GABBR1: variants seen among roughly 807,000 people sequenced by gnomAD.
The protein encoded by GABBR1 is GABA-B receptor, R1 subunit.
In GABBR1, 35 loss-of-function variants were observed where a neutral mutation model predicts 117.7. The ratio of observed to expected loss-of-function variants is 0.30; its 90% CI spans 0.23 to 0.39. GABBR1 has a LOEUF of 0.39. Among genes scored for constraint, GABBR1 ranks in the 10% least tolerant of loss-of-function variants. The probability of loss-of-function intolerance (pLI) is 1.00; values close to 1 mark genes in which losing one functional copy is unlikely to be tolerated. For synonymous variants in GABBR1, 442 were observed against 486.6 expected (o/e 0.91, Z 1.21); for missense variants, 709 against 1,241.8 (o/e 0.57, Z 6.45).
rs1372640423 is a variant in GABBR1, at chr6:29,620,882, C to T, written c.1323+219G>A. Among the ~76,000 whole-genome samples, 2 of 150,354 alleles carry T rather than the reference C, an allele frequency of 1.3e-5. No individual in the cohort carries two copies. Among genetic ancestry groups the T allele is most frequent in the Admixed American group, 1.3e-4 (2 of 15,040 alleles). Reference sequence around the variant, plus strand: ...CATCAGGAACCTACTGAACATACAACTCCATCGTTTTTTTTTTTTTCTCTC... The same window carrying T: ...CATCAGGAACCTACTGAACATACAATTCCATCGTTTTTTTTTTTTTCTCTC... On this transcript the variant is annotated intron_variant, in intron 11 of 22. Transcript: ENST00000377034. This position sits in a 1 kb window ranked among gnomAD's most constrained non-coding sequence, Gnocchi z 4.5.
At chr6:29,629,249 T>G (rs1324915403) in intron 4 of GABBR1, 142 bp from the exon 5 acceptor site, 3 of 911,402 alleles carry the variant, frequency 3.3e-6, no homozygotes, top group Non-Finnish European at 5.3e-6. Flanking sequence ...GGAGGGTGCC[T>G]GGGGATAAGA....
In GABBR1 at chr6:29,604,742, A is replaced by T; in HGVS notation, c.2569-105T>A. ...GGAATGCTGATAAGAGTTGGGCCCA[A>T]AACAAGGGGAGGAGTGAGAGGAGGG... On this transcript the variant is annotated intron_variant, in intron 21 of 22. Coordinates refer to ENST00000377034, the MANE Select transcript of GABBR1 (RefSeq NM_001470.4). The surrounding 1 kb of genome is among the most constrained non-coding windows in gnomAD (Gnocchi z 5.3). The T allele has an allele frequency of 6.3e-7, 1 of 1,593,198 alleles. No homozygotes were observed. The highest frequency in any genetic ancestry group is 8.6e-7 in the Non-Finnish European group (1 of 1,166,048).
rs1182611100 is a variant in GABBR1, at chr6:29,628,181, A to AGGGGC, written c.497-540_497-536dup. ...GCGCCGAGGTGGGAGCGACAGTCGG[A>AGGGGC]GGGGCGGGGAGGGGAGGGGGGATGC... On this transcript the variant is annotated intron_variant, in intron 5 of 22. Coordinates refer to ENST00000377034, the MANE Select transcript of GABBR1 (RefSeq NM_001470.4). 77 of 162,570 alleles carry AGGGGC rather than the reference A, an allele frequency of 4.7e-4. No homozygotes were observed. In the African/African-American group the frequency reaches 0.015, roughly 31 times the overall value. 10.1% of individuals were successfully genotyped at this position (162,570 alleles called of 1,614,324 possible). A position where few individuals can be genotyped will look rare whatever the true frequency, so the allele number is the denominator to read the frequency against.
chr6:29,616,963 C>T (rs1419440324), intron 11 of GABBR1, among the ~76,000 whole-genome samples: 29 of 127,698 alleles, frequency 2.3e-4, no homozygotes, highest in African/African-American at 6.7e-4. Flanking sequence ...CTGGCTAACA[C>T]GGTGAAACCC....
chr6:29,603,203 G>C lies in GABBR1; in HGVS notation c.*340C>G, dbSNP rs1275294323. 1.9e-6 allele frequency: 1 copy of C among 519,308 alleles called. No individual in the cohort carries two copies. The highest frequency in any genetic ancestry group is 1.9e-5 in the African/African-American group (1 of 52,408). 32.2% of individuals were successfully genotyped at this position (519,308 alleles called of 1,614,324 possible). On this transcript the variant is annotated 3_prime_UTR_variant, in exon 23 of 23. Coordinates refer to ENST00000377034, the MANE Select transcript of GABBR1 (RefSeq NM_001470.4). ...GCAGAGGAGCTGCAGGGGTTGCCGTGGTAACTAGAAGAGGGTGTTGCATGG... is the reference window on the plus strand; with the variant it reads ...GCAGAGGAGCTGCAGGGGTTGCCGTCGTAACTAGAAGAGGGTGTTGCATGG...
rs768031345 is a variant in GABBR1, at chr6:29,630,465, G to A, written c.468C>T (p.His156=). The change falls in exon 4 of 23, where the codon CAC becomes CAT. Residue 156 remains histidine (H), a synonymous_variant. Coordinates refer to ENST00000377034, the MANE Select transcript of GABBR1 (RefSeq NM_001470.4). This position sits in a 1 kb window ranked among gnomAD's most constrained non-coding sequence, Gnocchi z 4.9. The part of the protein sequence containing the change: ...SQGQWSTPKP[H]CQVNRTPHSE... Reference sequence around the variant, plus strand: ...GGCAGCTGTTCCCCTCACCCTGGCAGTGGGGCTTGGGGGTGCTCCACTGGC... The same window carrying A: ...GGCAGCTGTTCCCCTCACCCTGGCAATGGGGCTTGGGGGTGCTCCACTGGC... 3 of 1,611,072 alleles carry A rather than the reference G, an allele frequency of 1.9e-6. No individual in the cohort carries two copies. The highest frequency in any genetic ancestry group is 2.5e-6 in the Non-Finnish European group (3 of 1,178,466).
chr6:29,606,596 T>C lies in GABBR1; in HGVS notation c.2218-112A>G. On this transcript the variant is annotated intron_variant, in intron 18 of 22. Transcript: ENST00000377034. The surrounding 1 kb of genome is among the most constrained non-coding windows in gnomAD (Gnocchi z 4.5). ...TTTCCTATGAGACCCTCAATGCTGATGCCAAATCTCATTCTAGGCCTAAGA... is the reference window on the plus strand; with the variant it reads ...TTTCCTATGAGACCCTCAATGCTGACGCCAAATCTCATTCTAGGCCTAAGA... 1 of 787,646 alleles carries C rather than the reference T, an allele frequency of 1.3e-6. No individual in the cohort carries two copies. The highest frequency in any genetic ancestry group is 2.2e-6 in the Non-Finnish European group (1 of 447,148). 48.8% of individuals were successfully genotyped at this position (787,646 alleles called of 1,614,324 possible).
At chr6:29,624,621 T>A (rs1056093231) in intron 6 of GABBR1, among the ~76,000 whole-genome samples, 5 of 151,678 alleles carry the variant, frequency 3.3e-5, no homozygotes, top group Non-Finnish European at 7.4e-5. Flanking sequence ...ATTTGACAGG[T>A]CCATTAGAAA....
Position 29,632,283 on chromosome 6 carries a change from C to A in GABBR1, c.85+18G>T, listed in dbSNP as rs367791625. ...AGTGGAGCGAAGGAGGGCCGGAGGT[C>A]GTCGAAGAAGGATGCACCTTCTGAG... On this transcript the variant is annotated intron_variant, in intron 2 of 22. Transcript: ENST00000377034. The surrounding 1 kb of genome is among the most constrained non-coding windows in gnomAD (Gnocchi z 5.8). The A allele has an allele frequency of 5.6e-5, 76 of 1,363,690 alleles. No homozygotes were observed. In the African/African-American group the frequency reaches 8.3e-4, roughly 15 times the overall value. The allele number at this position is 1,363,690 out of a possible 1,614,324, so 84.5% of individuals were successfully genotyped here.
Position 29,632,518 on chromosome 6 carries a change from G to A in GABBR1, c.1-133C>T, listed in dbSNP as rs1469688719. On this transcript the variant is annotated intron_variant, in intron 1 of 22. Transcript: ENST00000377034. This position sits in a 1 kb window ranked among gnomAD's most constrained non-coding sequence, Gnocchi z 5.8. The stretch of plus-strand genomic sequence containing the variant: ...AGCCTGGGGACCAAGAGAGCGCCCC[G>A]CGGAGGAGGCGGGGGCGGAGCCCCG... The A allele has an allele frequency of 5.3e-6, 5 of 936,042 alleles. No individual in the cohort carries two copies. The highest frequency in any genetic ancestry group is 5.9e-6 in the Non-Finnish European group (4 of 674,120). The allele number at this position is 936,042 out of a possible 1,614,324, so 58.0% of individuals were successfully genotyped here.
Position 29,604,857 on chromosome 6 carries a change from T to G in GABBR1, c.2568+3A>C. 1 of 1,611,766 alleles carries G rather than the reference T, an allele frequency of 6.2e-7. No individual in the cohort carries two copies. The highest frequency in any genetic ancestry group is 8.5e-7 in the Non-Finnish European group (1 of 1,179,294). On this transcript the variant is annotated splice_donor_region_variant and intron_variant, in intron 21 of 22. Transcript: ENST00000377034. This position sits in a 1 kb window ranked among gnomAD's most constrained non-coding sequence, Gnocchi z 5.3. ...GAGGGTGGGAGAAAAGCCAGATCCT[T>G]ACCTTGGGCACAAAGAGCACAACAA...
At chr6:29,615,578 C>T (rs907247810) in intron 11 of GABBR1, among the ~76,000 whole-genome samples, 1 of 146,096 alleles carries the variant, frequency 6.8e-6, no homozygotes, top group African/African-American at 2.6e-5. Context: ...CACTGCACTT[C>T]AGCCTGGGCG....
In GABBR1 at chr6:29,604,277, GGCCAACACTGGATTTT is replaced by G. The variant is rs1394169104; in HGVS notation, c.2712+201_2712+216del. Among the ~76,000 whole-genome samples the G allele has an allele frequency of 6.6e-6, 1 of 152,094 alleles. No homozygotes were observed. Among genetic ancestry groups the G allele is most frequent in the Admixed American group, 6.5e-5 (1 of 15,278 alleles). ...CACTCCAGAGCCCTTCCACCTGCCA[GGCCAACACTGGATTTT>G]GCCTGAGATAGAATCTTGCTCAGCC... On this transcript the variant is annotated intron_variant, in intron 22 of 22. Transcript: ENST00000377034. The surrounding 1 kb of genome is among the most constrained non-coding windows in gnomAD (Gnocchi z 5.3).
rs555630451 is a variant in GABBR1 at position 29,633,074 on chromosome 6, G to A, written c.-225C>T. On this transcript the variant is annotated 5_prime_UTR_variant, in exon 1 of 23. Coordinates refer to ENST00000377034, the MANE Select transcript of GABBR1 (RefSeq NM_001470.4). The surrounding 1 kb of genome is among the most constrained non-coding windows in gnomAD (Gnocchi z 4.4). ...CCCCGGGGCGGCGGCAGCCACGGGA[G>A]CGGGGAGCGGGGAGCCGGGAGGGAA... 407 of 154,368 alleles carry A rather than the reference G, an allele frequency of 2.6e-3. 2 individuals are homozygous for A. The highest frequency in any genetic ancestry group is 5.4e-3 in the African/African-American group (225 of 41,586). The allele number at this position is 154,368 out of a possible 1,614,324, so 9.6% of individuals were successfully genotyped here.
In GABBR1 at chr6:29,605,275, T is replaced by C. The variant is rs933085747; in HGVS notation, c.2440-287A>G. 3.6e-6 allele frequency: 2 copies of C among 561,004 alleles called. No individual in the cohort carries two copies. Among genetic ancestry groups the C allele is most frequent in the South Asian group, 2.5e-5 (1 of 39,874 alleles). The allele number at this position is 561,004 out of a possible 1,614,324, so 34.8% of individuals were successfully genotyped here. ...GTCGGTCCCTGGCAGGAAATGTCAATAGAGTCCAGCCCATTAACCACAGAC... is the reference window on the plus strand; with the variant it reads ...GTCGGTCCCTGGCAGGAAATGTCAACAGAGTCCAGCCCATTAACCACAGAC... On this transcript the variant is annotated intron_variant, in intron 20 of 22. Coordinates refer to ENST00000377034, the MANE Select transcript of GABBR1 (RefSeq NM_001470.4). This position sits in a 1 kb window ranked among gnomAD's most constrained non-coding sequence, Gnocchi z 4.2.
chr6:29,621,855 G>A lies in GABBR1; in HGVS notation c.1066-38C>T, dbSNP rs755878673. The stretch of plus-strand genomic sequence containing the variant: ...AAGAAACAGCTCCTGAGGGATGCCC[G>A]GGAATGCCTGAGGGGCTAAGCCAGA... On this transcript the variant is annotated intron_variant, in intron 9 of 22. Coordinates refer to ENST00000377034, the MANE Select transcript of GABBR1 (RefSeq NM_001470.4). This position sits in a 1 kb window ranked among gnomAD's most constrained non-coding sequence, Gnocchi z 5.0. 9.3e-6 allele frequency: 15 copies of A among 1,604,492 alleles called. No homozygotes were observed. Among genetic ancestry groups the A allele is most frequent in the Admixed American group, 6.7e-5 (4 of 59,928 alleles).
rs568557100 is a variant in GABBR1 at position 29,607,368 on chromosome 6, C to T, written c.1993-150G>A. The T allele has an allele frequency of 1.5e-5, 10 of 652,812 alleles. No individual in the cohort carries two copies. Among genetic ancestry groups the T allele is most frequent in the African/African-American group, 7.2e-5 (4 of 55,604 alleles). 40.4% of individuals were successfully genotyped at this position (652,812 alleles called of 1,614,324 possible). The stretch of plus-strand genomic sequence containing the variant: ...GGAGGATGCGAAAATGTGAGCAGGA[C>T]GGGGAGCGGCAGGAGGAGAGCAGTC... On this transcript the variant is annotated intron_variant, in intron 16 of 22. Coordinates refer to ENST00000377034, the MANE Select transcript of GABBR1 (RefSeq NM_001470.4). This position sits in a 1 kb window ranked among gnomAD's most constrained non-coding sequence, Gnocchi z 5.0.
intron 6 of GABBR1, among the ~76,000 whole-genome samples, chr6:29,625,429 CA>C (rs2073465385): frequency 6.6e-6 from 1 of 152,114 alleles, no homozygotes; most frequent in Non-Finnish European, 1.5e-5. Context: ...GCATGCCCCC[CA>C]TTTTGTTTCC....
chr6:29,603,002 G>A lies in GABBR1; in HGVS notation c.*541C>T, dbSNP rs1761529182. 2.2e-6 allele frequency: 1 copy of A among 456,700 alleles called. No individual in the cohort carries two copies. The highest frequency in any genetic ancestry group is 2.0e-5 in the African/African-American group (1 of 50,072). The allele number at this position is 456,700 out of a possible 1,614,324, so 28.3% of individuals were successfully genotyped here. On this transcript the variant is annotated 3_prime_UTR_variant, in exon 23 of 23. Coordinates refer to ENST00000377034, the MANE Select transcript of GABBR1 (RefSeq NM_001470.4). The stretch of plus-strand genomic sequence containing the variant: ...CAGAGGCAAGGAGCATGTGAGCCTT[G>A]GCGAAAAGAATGAGCTCCCAAAGGA...
Sources: gnomAD v4.1 joint callset for allele counts (sites outside exome capture counted in the v4.1 genomes callset) on GRCh38, gnomAD v4.1.1 for gene constraint, Gnocchi (gnomAD v3.1) non-coding constraint, MANE v1.5 for transcripts, NCBI Gene and HGNC (gene_info 2026-07-23, HGNC 2026-07-21) for gene names.